Variants in ULK4 observed in about 807,000 individuals in gnomAD.
ULK4 encodes the protein inactive serine/threonine-protein kinase ULK4.
A neutral mutation model predicts 160.6 loss-of-function variants in ULK4; 133 were observed. That is an observed-to-expected ratio of 0.83 (90% CI 0.72 to 0.96). The LOEUF is 0.96. Ranked by LOEUF, ULK4 falls within the 40% of genes least tolerant of loss-of-function variation. The probability of loss-of-function intolerance (pLI) is 0.00; values close to 1 mark genes in which losing one functional copy is unlikely to be tolerated. For synonymous variants in ULK4, 534 were observed against 539.8 expected (o/e 0.99, Z 0.15); for missense variants, 1,580 against 1,499.5 (o/e 1.05, Z -0.89).
intron 34 of ULK4, among the ~76,000 whole-genome samples, chr3:41,446,572 T>A (rs1402860991): frequency 6.6e-6 from 1 of 152,002 alleles, no homozygotes; most frequent in Non-Finnish European, 1.5e-5. Flanking sequence ...TCATGTCCTT[T>A]GTAGGGACAT....
At chr3:41,474,999 A>G (rs1001879084) in intron 32 of ULK4, among the ~76,000 whole-genome samples, 6 of 152,176 alleles carry the variant, frequency 3.9e-5, no homozygotes, top group East Asian at 1.9e-4. Context: ...GTATTTACCC[A>G]TAAGATTTGA....
In ULK4 at chr3:41,494,528, G is replaced by A. The variant is rs962209739; in HGVS notation, c.3227-31275C>T. 1.3e-4 allele frequency among the ~76,000 whole-genome samples: 20 copies of A among 151,432 alleles called. No individual in the cohort carries two copies. The East Asian group carries it at 2.5e-3, about 19-fold the overall frequency. ...CCTTTGAAAACTGGCACAAGACAGG[G>A]ATGCCCTCTCTCACCACTCCTATTC... On this transcript the variant is annotated intron_variant, in intron 32 of 36. Coordinates refer to ENST00000301831, the MANE Select transcript of ULK4 (RefSeq NM_017886.4).
Position 41,789,800 on chromosome 3 carries a change from T to C in ULK4, c.2054A>G (p.Asn685Ser). 1 of 1,613,342 alleles carries C rather than the reference T, an allele frequency of 6.2e-7. No individual in the cohort carries two copies. The highest frequency in any genetic ancestry group is 2.2e-5 in the East Asian group (1 of 44,798). ...ITRHSPTAFQNVIEKVGLNSV... is the reference protein window; with the variant it reads ...ITRHSPTAFQSVIEKVGLNSV... ...GTTCAGTCCCACCTTTTCAATAACA[T>C]TCTGGAAGGCAGTAGGAGAATGGCG... is the stretch of plus-strand genomic sequence containing the variant. The change falls in exon 21 of 37, where the codon AAT (asparagine) becomes AGT (serine). Residue 685 changes from asparagine to serine, a missense_variant. Coordinates refer to ENST00000301831, the MANE Select transcript of ULK4 (RefSeq NM_017886.4).
rs1258281564 is a variant in ULK4, at chr3:41,249,550, C to A, written c.3703G>T (p.Glu1235Ter). The A allele has an allele frequency of 1.2e-6, 2 of 1,614,070 alleles. No homozygotes were observed. The highest frequency in any genetic ancestry group is 1.7e-6 in the Non-Finnish European group (2 of 1,179,988). Residue 1235 changes from glutamate to a stop codon, truncating the protein, a stop_gained, in exon 36 of 37, where the codon GAG (glutamate) becomes TAG (stop). Transcript: ENST00000301831. LOFTEE classifies it high-confidence loss of function. ...AGGCTGCCTGCATTCTTGAGGCTCTCCAAGTGCTTCTCATTGGAGGTGATC... is the reference window on the plus strand; with the variant it reads ...AGGCTGCCTGCATTCTTGAGGCTCTACAAGTGCTTCTCATTGGAGGTGATC... The part of the protein sequence containing the change: ...RMITSNEKHL[E>*]SLKNAGSLLR...
chr3:41,336,825 C>G (rs1340531108), intron 35 of ULK4, among the ~76,000 whole-genome samples: 1 of 152,248 alleles, frequency 6.6e-6, no homozygotes, highest in Non-Finnish European at 1.5e-5. Context: ...ATGGGATGCA[C>G]TAATCAGGAA....
chr3:41,900,288 G>C (rs577606292), intron 13 of ULK4, among the ~76,000 whole-genome samples: 1 of 151,902 alleles, frequency 6.6e-6, no homozygotes, highest in African/African-American at 2.4e-5. Context: ...TGTGTGATCT[G>C]CCTGCCCAGC....
chr3:41,498,460 G>A (rs185461673), intron 32 of ULK4, among the ~76,000 whole-genome samples: 210 of 152,154 alleles, frequency 1.4e-3, no homozygotes, highest in African/African-American at 4.5e-3. Context: ...TTAGGACTCC[G>A]GGGAAAAAGA....
chr3:41,366,827 C>G (rs1401313280), intron 35 of ULK4, among the ~76,000 whole-genome samples: 1 of 152,156 alleles, frequency 6.6e-6, no homozygotes, highest in Non-Finnish European at 1.5e-5. Context: ...AGTAGATCAT[C>G]AGACCTGTGG....
chr3:41,686,590 C>A (rs754399797), intron 27 of ULK4, among the ~76,000 whole-genome samples: 4 of 152,052 alleles, frequency 2.6e-5, no homozygotes, highest in East Asian at 1.9e-4. Context: ...GGATACCAGA[C>A]AAAGATAAGA....
chr3:41,933,314 T>C (rs916747261), intron 4 of ULK4, among the ~76,000 whole-genome samples: 1 of 152,182 alleles, frequency 6.6e-6, no homozygotes, highest in African/African-American at 2.4e-5. Context: ...GCAAACTTTT[T>C]TGTTGTTGGT....
rs550504790 is a variant in ULK4, at chr3:41,929,746, A to C, written c.541+2098T>G. On this transcript the variant is annotated intron_variant, in intron 5 of 36. Transcript: ENST00000301831. ...GTGAACTCCCATTCACAACTGCTACAAAGAGAATAAAATACCTAGGAATCC... is the reference window on the plus strand; with the variant it reads ...GTGAACTCCCATTCACAACTGCTACCAAGAGAATAAAATACCTAGGAATCC... 3.3e-5 allele frequency among the ~76,000 whole-genome samples: 5 copies of C among 152,276 alleles called. No individual in the cohort carries two copies. In the East Asian group the frequency reaches 9.7e-4, roughly 29 times the overall value.
chr3:41,756,908 T>C (rs2038822737), intron 21 of ULK4, among the ~76,000 whole-genome samples: 1 of 152,184 alleles, frequency 6.6e-6, no homozygotes, highest in African/African-American at 2.4e-5. Context: ...AATACAAACA[T>C]ATATACATAC....
At chr3:41,441,398 C>T (rs1373688906) in intron 34 of ULK4, among the ~76,000 whole-genome samples, 1 of 151,986 alleles carries the variant, frequency 6.6e-6, no homozygotes, top group Admixed American at 6.6e-5. Context: ...TAATTTGACC[C>T]ATGACTCTTT....
chr3:41,760,292 GT>G (rs2038944390), intron 21 of ULK4, among the ~76,000 whole-genome samples: 1 of 152,112 alleles, frequency 6.6e-6, no homozygotes, highest in Non-Finnish European at 1.5e-5. Context: ...AGCAACTGAA[GT>G]TTTTCATACA....
At chr3:41,282,887 T>C (rs2079386420) in intron 35 of ULK4, among the ~76,000 whole-genome samples, 2 of 152,222 alleles carry the variant, frequency 1.3e-5, no homozygotes, top group Non-Finnish European at 2.9e-5. Context: ...AAGAAAATTT[T>C]TGCAATCTAC....
chr3:41,481,166 C>A (rs755642291), intron 32 of ULK4, among the ~76,000 whole-genome samples: 1 of 152,210 alleles, frequency 6.6e-6, no homozygotes, highest in Non-Finnish European at 1.5e-5. Flanking sequence ...GGCTTTTTAC[C>A]ATGTTGGGGC....
At chr3:41,492,371 C>G (rs2084808778) in intron 32 of ULK4, among the ~76,000 whole-genome samples, 1 of 149,730 alleles carries the variant, frequency 6.7e-6, no homozygotes, top group African/African-American at 2.5e-5. Flanking sequence ...GTTCCTATTT[C>G]TCCACATCCT....
chr3:41,845,187 G>A (rs182050666), intron 17 of ULK4, among the ~76,000 whole-genome samples: 11 of 152,060 alleles, frequency 7.2e-5, no homozygotes, highest in African/African-American at 1.4e-4. Context: ...GGATGGTCTC[G>A]ATCTCCTGAC....
chr3:41,793,584 C>T (rs574914379), intron 20 of ULK4, among the ~76,000 whole-genome samples: 1 of 152,200 alleles, frequency 6.6e-6, no homozygotes, highest in South Asian at 2.1e-4. Flanking sequence ...GTTAATGTTG[C>T]TTGAAAAGCT....
Sources: gnomAD v4.1 joint callset for allele counts (sites outside exome capture counted in the v4.1 genomes callset) on GRCh38, gnomAD v4.1.1 for gene constraint, MANE v1.5 for transcripts, NCBI Gene and HGNC (gene_info 2026-07-23, HGNC 2026-07-21) for gene names.